The following ENG variants were observed in gnomAD, a reference collection of about 807,000 sequenced individuals.
ENG encodes the protein CD105 antigen.
A neutral mutation model predicts 71.0 loss-of-function variants in ENG; 17 were observed. The ratio of observed to expected loss-of-function variants is 0.24; its 90% CI spans 0.16 to 0.36. The LOEUF (loss-of-function observed/expected upper bound fraction) is 0.36, where lower values mean the gene tolerates loss of function less well. Ranked by LOEUF, ENG falls within the 10% of genes least tolerant of loss-of-function variation. ENG has a pLI of 1.00. For synonymous variants in ENG, 360 were observed against 366.9 expected (o/e 0.98, Z 0.21); for missense variants, 749 against 868.3 (o/e 0.86, Z 1.73).
intron 1 of ENG, among the ~76,000 whole-genome samples, chr9:127,853,815 A>T (rs1437513936): frequency 6.6e-6 from 1 of 152,216 alleles, no homozygotes; most frequent in Non-Finnish European, 1.5e-5. Flanking sequence ...TCTCTTCCCC[A>T]CTTCGCTCAG....
Position 127,819,678 on chromosome 9 carries a change from G to A in ENG, c.1273-18C>T, listed in dbSNP as rs929879478. 4.4e-6 allele frequency: 7 copies of A among 1,604,188 alleles called. No individual in the cohort carries two copies. In the African/African-American group the frequency reaches 9.4e-5, roughly 21 times the overall value. On this transcript the variant is annotated intron_variant, in intron 9 of 14. Coordinates refer to ENST00000373203, the MANE Select transcript of ENG (RefSeq NM_001114753.3). ...ACCACCGCCTGCGGGGATAAAGCCAGGGAGCTGGTCAGAGCCAGAAAGGAC... is the reference window on the plus strand; with the variant it reads ...ACCACCGCCTGCGGGGATAAAGCCAAGGAGCTGGTCAGAGCCAGAAAGGAC...
At chr9:127,819,744 G>A in intron 9 of ENG, 84 bp from the exon 10 acceptor site, 2 of 1,587,342 alleles carry the variant, frequency 1.3e-6, no homozygotes, top group Non-Finnish European at 1.7e-6. Context: ...TTTTGCAGAT[G>A]GGGAGACTAA....
chr9:127,818,390 G>A lies in ENG; in HGVS notation c.1429-13C>T. On this transcript the variant is annotated splice_polypyrimidine_tract_variant and intron_variant, in intron 11 of 14. Coordinates refer to ENST00000373203, the MANE Select transcript of ENG (RefSeq NM_001114753.3). ...GGGACACTCTGACCTGCATGGGTAGGTAGGGCCACGCGGCATGGGCAGCTG... is the reference window on the plus strand; with the variant it reads ...GGGACACTCTGACCTGCATGGGTAGATAGGGCCACGCGGCATGGGCAGCTG... 2.5e-6 allele frequency: 4 copies of A among 1,612,650 alleles called. No individual in the cohort carries two copies. Among genetic ancestry groups the A allele is most frequent in the Non-Finnish European group, 3.4e-6 (4 of 1,179,976 alleles).
chr9:127,829,794 A>C lies in ENG; in HGVS notation c.253T>G (p.Ser85Ala). 4.3e-6 allele frequency: 7 copies of C among 1,614,064 alleles called. No individual in the cohort carries two copies. The highest frequency in any genetic ancestry group is 5.1e-6 in the Non-Finnish European group (6 of 1,180,004). ...PSQLELTLQA[S>A]KQNGTWPREV... is the part of the protein sequence containing the mutation. ...CGGGGCCAGGTGCCATTTTGCTTGG[A>C]TGCCTGGAGAGTCAGCTCCAGCTGT... The change falls in exon 3 of 15, where the codon TCC becomes GCC. Residue 85 changes from serine (S) to alanine (A), a missense_variant. Physicochemically the swap from Ser to Ala is moderately conservative, Grantham distance 99. Coordinates refer to ENST00000373203, the MANE Select transcript of ENG (RefSeq NM_001114753.3).
intron 2 of ENG, among the ~76,000 whole-genome samples, chr9:127,840,828 C>T (rs967892060): frequency 6.6e-6 from 1 of 152,200 alleles, no homozygotes; most frequent in Non-Finnish European, 1.5e-5. Context: ...GGAGCGAGTT[C>T]TCTAGAAGAG....
At chr9:127,835,654 C>T (rs1388596726) in intron 2 of ENG, among the ~76,000 whole-genome samples, 1 of 152,182 alleles carries the variant, frequency 6.6e-6, no homozygotes, top group Non-Finnish European at 1.5e-5. Flanking sequence ...CATGGCCATC[C>T]AGTCCTACTG....
At chr9:127,829,977 G>A in intron 2 of ENG, 150 bp from the exon 3 acceptor site, 1 of 1,069,514 alleles carries the variant, frequency 9.4e-7, no homozygotes, top group Non-Finnish European at 1.4e-6. Flanking sequence ...GGTAGTGCCT[G>A]TCCCTCTGGC....
intron 3 of ENG, among the ~76,000 whole-genome samples, chr9:127,827,441 C>T (rs1464929452): frequency 2.6e-5 from 4 of 152,092 alleles, no homozygotes; most frequent in Non-Finnish European, 5.9e-5. Context: ...CCTGCCATTG[C>T]CTCAGAAGAA....
chr9:127,818,800 G>A lies in ENG; in HGVS notation c.1344C>T (p.Leu448=), dbSNP rs1387398621. 1.2e-6 allele frequency: 2 copies of A among 1,614,182 alleles called. No homozygotes were observed. Among genetic ancestry groups the A allele is most frequent in the Non-Finnish European group, 1.7e-6 (2 of 1,180,022 alleles). ...KKVHCLNMDS[L]SFQLGLYLSP... ...TGAGGTAGAGGCCCAGCTGGAAAGA[G>A]AGGCTGTCCATGTTGAGGCAGTGCA... The change falls in exon 11 of 15, where the codon CTC becomes CTT. Residue 448 remains leucine, a synonymous_variant. Transcript: ENST00000373203.
At chr9:127,843,027 A>G (rs1463878218) in intron 2 of ENG, 67 bp downstream of exon 2, 7 of 1,610,280 alleles carry the variant, frequency 4.3e-6, no homozygotes, top group Admixed American at 1.7e-5. Context: ...CAAGGAAGGC[A>G]CCCCTCACCC....
At chr9:127,851,809 C>T (rs41333850) in intron 1 of ENG, among the ~76,000 whole-genome samples, 20 of 152,100 alleles carry the variant, frequency 1.3e-4, no homozygotes, top group African/African-American at 4.3e-4. Flanking sequence ...ACCCGGGAGA[C>T]GGAGGTTGCA....
chr9:127,815,676 C>A lies in ENG; in HGVS notation c.*6G>T. On this transcript the variant is annotated 3_prime_UTR_variant, in exon 15 of 15. Transcript: ENST00000373203. ...TCTCCTGCTGGGCGAGCGCGGGGGG[C>A]CGGGGCTATGCCATGCTGCTGGTGG... 6.4e-7 allele frequency: 1 copy of A among 1,556,518 alleles called. No homozygotes were observed.
rs762494923 is a variant in ENG at position 127,818,382 on chromosome 9, A to ATGGG, written c.1429-9_1429-6dup. On this transcript the variant is annotated splice_polypyrimidine_tract_variant and splice_region_variant and intron_variant, in intron 11 of 14. Coordinates refer to ENST00000373203, the MANE Select transcript of ENG (RefSeq NM_001114753.3). ...GACGGATGGGGACACTCTGACCTGC[A>ATGGG]TGGGTAGGTAGGGCCACGCGGCATG... 335 of 1,613,166 alleles carry ATGGG rather than the reference A, an allele frequency of 2.1e-4. 2 individuals carry two copies. In the East Asian group the frequency reaches 7.4e-3, roughly 35 times the overall value.
At chr9:127,837,697 G>T (rs1480971539) in intron 2 of ENG, among the ~76,000 whole-genome samples, 1 of 152,130 alleles carries the variant, frequency 6.6e-6, no homozygotes, top group Non-Finnish European at 1.5e-5. Context: ...TTATAAGAAT[G>T]TACAGTTTTT....
chr9:127,832,760 T>C (rs957075384), intron 2 of ENG: 3 of 152,142 alleles, frequency 2.0e-5, no homozygotes, highest in African/African-American at 7.2e-5. Flanking sequence ...TTTTTTTCTA[T>C]TTATTATTAT....
rs556009915 is a variant in ENG, at chr9:127,823,245, A to G, written c.1134+1059T>C. ...ACTGCAAGCTCCGCCTCCCGGGTTCAGGCCATTCTCCTGCCTCAGCCTCCC... is the reference window on the plus strand; with the variant it reads ...ACTGCAAGCTCCGCCTCCCGGGTTCGGGCCATTCTCCTGCCTCAGCCTCCC... On this transcript the variant is annotated intron_variant, in intron 8 of 14. Coordinates refer to ENST00000373203, the MANE Select transcript of ENG (RefSeq NM_001114753.3). Among the ~76,000 whole-genome samples the G allele has an allele frequency of 2.6e-5, 4 of 152,194 alleles. No individual in the cohort carries two copies. In the South Asian group the frequency reaches 8.3e-4, roughly 32 times the overall value.
intron 9 of ENG, 90 bp from the exon 10 acceptor site, chr9:127,819,750 A>G: frequency 1.3e-6 from 2 of 1,589,430 alleles, no homozygotes; most frequent in Non-Finnish European, 1.7e-6. Flanking sequence ...AGATGGGGAG[A>G]CTAAGCCAAC....
chr9:127,815,909 C>T (rs779115954), intron 14 of ENG, 34 bp downstream of exon 14: 123 of 1,579,078 alleles, frequency 7.8e-5, no homozygotes, highest in African/African-American at 1.7e-4. Flanking sequence ...TGGAGGGGCC[C>T]GGCATGCTCA....
rs1020071010 is a variant in ENG at position 127,846,689 on chromosome 9, G to A, written c.68-3444C>T. On this transcript the variant is annotated intron_variant, in intron 1 of 14. Transcript: ENST00000373203. This position sits in a 1 kb window ranked among gnomAD's most constrained non-coding sequence, Gnocchi z 5.5. ...CCCGCAGACGAGAATGGGGAGACAG[G>A]AGGGAGTGTGACGCCTGGGCCTGTC... 6.6e-6 allele frequency among the ~76,000 whole-genome samples: 1 copy of A among 152,188 alleles called. No homozygotes were observed. Among genetic ancestry groups the A allele is most frequent in the Non-Finnish European group, 1.5e-5 (1 of 68,028 alleles).
Sources: allele counts gnomAD v4.1 joint callset (sites outside exome capture counted in the v4.1 genomes callset), GRCh38; gene constraint gnomAD v4.1.1; non-coding constraint Gnocchi (gnomAD v3.1); transcripts MANE v1.5; gene names NCBI Gene and HGNC (gene_info 2026-07-23, HGNC 2026-07-21).